ATE1: variants seen among roughly 807,000 people sequenced by gnomAD.
ATE1 encodes the protein arginyl-tRNA--protein transferase 1.
A neutral mutation model predicts 70.5 loss-of-function variants in ATE1; 36 were observed. The observed-to-expected ratio is 0.51, with a 90% CI of 0.39 to 0.67. The LOEUF is 0.67. ATE1 is among the 30% of genes least tolerant of loss of function. The pLI, the probability that ATE1 is intolerant of heterozygous loss-of-function variation, is 0.00. For synonymous variants in ATE1, 232 were observed against 219.3 expected, an observed-to-expected ratio of 1.06 and a Z score of -0.51; for missense variants, 593 against 629.5, an observed-to-expected ratio of 0.94 and a Z score of 0.62.
At chr10:121,746,582 C>T (rs762854684) in intron 11 of ATE1, among the ~76,000 whole-genome samples, 1 of 152,060 alleles carries the variant, frequency 6.6e-6, no homozygotes, top group East Asian at 1.9e-4. Context: ...CTTAGTCTTC[C>T]AGCTATAAAC....
At chr10:121,763,156 T>C (rs2135803578) in intron 11 of ATE1, among the ~76,000 whole-genome samples, 1 of 152,302 alleles carries the variant, frequency 6.6e-6, no homozygotes, top group East Asian at 1.9e-4. Flanking sequence ...AGGGTATGGT[T>C]TATGATAGCA....
At position 121,869,888 on chromosome 10, in the gene ATE1, A is replaced by G. The variant is rs946397019; in HGVS notation, c.975+118T>C. 5 of 932,370 alleles carry G rather than the reference A, an allele frequency of 5.4e-6. No homozygotes were observed. In the African/African-American group the frequency reaches 8.2e-5, roughly 15 times the overall value. The allele number at this position is 932,370 out of a possible 1,614,324, so 57.8% of individuals were successfully genotyped here. A position where few individuals can be genotyped will look rare whatever the true frequency, so the allele number is the denominator to read the frequency against. Reference sequence around the variant, plus strand: ...CTCACTCCATTACTGTTATTGAAGAATATATGTGTCCCACCAAAATGAGCA... The same window carrying G: ...CTCACTCCATTACTGTTATTGAAGAGTATATGTGTCCCACCAAAATGAGCA... On this transcript the variant is annotated intron_variant, in intron 8 of 11. Coordinates refer to ENST00000224652, the MANE Select transcript of ATE1 (RefSeq NM_001001976.3).
chr10:121,863,963 TC>T (rs1282625427), intron 8 of ATE1, among the ~76,000 whole-genome samples: 1 of 152,204 alleles, frequency 6.6e-6, no homozygotes, highest in Non-Finnish European at 1.5e-5. Context: ...TTTTAACCTA[TC>T]CATGTCTCTG....
chr10:121,903,845 T>C (rs1023539064), intron 5 of ATE1, among the ~76,000 whole-genome samples: 1 of 151,864 alleles, frequency 6.6e-6, no homozygotes, highest in Non-Finnish European at 1.5e-5. Flanking sequence ...AATAAAAAAA[T>C]TTTTACTATT....
At chr10:121,928,322 C>G, upstream of ATE1, 6 of 1,514,652 alleles carry the variant, frequency 4.0e-6, no homozygotes, top group Non-Finnish European at 5.3e-6. Flanking sequence ...GCGGCCGCGC[C>G]AACTCCGGCG....
chr10:121,927,156 A>C (rs1952125329), intron 1 of ATE1: 1 of 985,358 alleles, frequency 1.0e-6, no homozygotes. Context: ...AATCTCCCCC[A>C]AAGAAATCTG....
At chr10:121,772,884 T>C (rs1458253451) in intron 11 of ATE1, among the ~76,000 whole-genome samples, 1 of 152,228 alleles carries the variant, frequency 6.6e-6, no homozygotes, top group East Asian at 1.9e-4. Context: ...TCCATTCTCT[T>C]TGACTACTAG....
chr10:121,829,251 C>T (rs992368032), intron 10 of ATE1, among the ~76,000 whole-genome samples: 2 of 152,068 alleles, frequency 1.3e-5, no homozygotes, highest in African/African-American at 4.8e-5. Flanking sequence ...AGTAAAACCC[C>T]ATCTTTATTA....
At chr10:121,926,102 G>A (rs1394411326) in intron 1 of ATE1, among the ~76,000 whole-genome samples, 5 of 152,068 alleles carry the variant, frequency 3.3e-5, no homozygotes, top group East Asian at 3.9e-4. Flanking sequence ...ACAGCTACTC[G>A]GGAGGCTGAG....
chr10:121,894,770 G>A (rs984114877), intron 7 of ATE1, among the ~76,000 whole-genome samples: 9 of 151,860 alleles, frequency 5.9e-5, no homozygotes, highest in Admixed American at 3.9e-4. Context: ...GCGTGGTGGC[G>A]GGCACCTGTA....
chr10:121,790,832 C>T (rs1157406357), intron 10 of ATE1, among the ~76,000 whole-genome samples: 2 of 151,686 alleles, frequency 1.3e-5, no homozygotes, highest in Non-Finnish European at 2.9e-5. Context: ...AACTGATAAA[C>T]GTATAATAAA....
At chr10:121,877,175 A>G (rs1240158792) in intron 7 of ATE1, among the ~76,000 whole-genome samples, 1 of 152,204 alleles carries the variant, frequency 6.6e-6, no homozygotes, top group Non-Finnish European at 1.5e-5. Context: ...ATCATTTGCC[A>G]TAGGACGCTA....
intron 11 of ATE1, among the ~76,000 whole-genome samples, chr10:121,778,896 T>C (rs985244670): frequency 6.6e-6 from 1 of 152,100 alleles, no homozygotes. Context: ...CGTGAGCCAC[T>C]GCACCCAGCC....
intron 7 of ATE1, among the ~76,000 whole-genome samples, chr10:121,874,626 C>T (rs1163318905): frequency 6.6e-6 from 1 of 152,162 alleles, no homozygotes; most frequent in Admixed American, 6.5e-5. Context: ...ATCCCAATTG[C>T]AAGCAACGTA....
upstream of ATE1, chr10:121,928,259 G>A: frequency 7.0e-7 from 1 of 1,419,714 alleles, no homozygotes; most frequent in Admixed American, 2.7e-5. Flanking sequence ...AGGGAAGCGG[G>A]AGTCGGGGTG....
intron 11 of ATE1, among the ~76,000 whole-genome samples, chr10:121,779,459 C>A (rs1041181807): frequency 6.6e-6 from 1 of 152,184 alleles, no homozygotes; most frequent in African/African-American, 2.4e-5. Flanking sequence ...AAGTGCTCAA[C>A]CTACTGTTGC....
In ATE1 at chr10:121,743,779, C is replaced by T; in HGVS notation, c.1458G>A (p.Lys486=). 1 of 1,614,138 alleles carries T rather than the reference C, an allele frequency of 6.2e-7. No homozygotes were observed. The highest frequency in any genetic ancestry group is 8.5e-7 in the Non-Finnish European group (1 of 1,180,030). The part of the protein sequence containing the change: ...KRAIMPYGVY[K]KQQKDPSEEA... ...CCTCACTTGGGTCTTTCTGCTGTTT[C>T]TTATAAACACCGTAAGGCATGATGG... Residue 486 remains lysine, a synonymous_variant, in exon 12 of 12, where the codon AAG becomes AAA. Coordinates refer to ENST00000224652, the MANE Select transcript of ATE1 (RefSeq NM_001001976.3).
At chr10:121,797,106 T>A (rs571163629) in intron 10 of ATE1, among the ~76,000 whole-genome samples, 21 of 152,074 alleles carry the variant, frequency 1.4e-4, no homozygotes, top group Non-Finnish European at 2.9e-4. Context: ...CGTGGAAAAA[T>A]TGGATTTCAC....
intron 11 of ATE1, among the ~76,000 whole-genome samples, chr10:121,778,196 C>T (rs558415782): frequency 2.0e-5 from 3 of 152,318 alleles, no homozygotes; most frequent in South Asian, 2.1e-4. Flanking sequence ...ACCTAACACA[C>T]AGCTTTAAAA....
Sources: gnomAD v4.1 joint callset for allele counts (sites outside exome capture counted in the v4.1 genomes callset) on GRCh38, gnomAD v4.1.1 for gene constraint, MANE v1.5 for transcripts, NCBI Gene and HGNC (gene_info 2026-07-23, HGNC 2026-07-21) for gene names.